The following FSD1L variants were observed in gnomAD, a reference collection of about 807,000 sequenced individuals.
The protein encoded by FSD1L is fibronectin type III and SPRY domain containing 1 like.
Under a neutral mutation model 71.6 loss-of-function variants are expected in FSD1L, and 45 were observed. That is an observed-to-expected ratio of 0.63 (90% CI 0.49 to 0.81). The LOEUF is 0.81. Ranked by LOEUF, FSD1L falls within the 30% of genes least tolerant of loss-of-function variation. The probability of loss-of-function intolerance (pLI) is 0.00; values close to 1 mark genes in which losing one functional copy is unlikely to be tolerated. For missense variants in FSD1L, 561 were observed against 618.1 expected, an observed-to-expected ratio of 0.91 and a Z score of 0.98; for synonymous variants, 197 against 207.2, an observed-to-expected ratio of 0.95 and a Z score of 0.42.
intron 10 of FSD1L, chr9:105,520,239 A>G: frequency 6.2e-7 from 1 of 1,609,234 alleles, no homozygotes; most frequent in Admixed American, 1.7e-5. Flanking sequence ...CATCGAGTTA[A>G]TGGTGGAACT....
intron 10 of FSD1L, chr9:105,521,248 T>G: frequency 6.2e-7 from 1 of 1,614,190 alleles, no homozygotes; most frequent in Non-Finnish European, 8.5e-7. Flanking sequence ...GGTGAAGTCT[T>G]GCCAAAGAAT....
rs1409394114 is a variant in FSD1L at position 105,523,244 on chromosome 9, C to G, written c.1025+10308C>G. ...CTTCCCCAGTCCACTCACCTCTGTG[C>G]TCCAGGTCACAGACTCCTTCCCCTT... is the stretch of plus-strand genomic sequence containing the variant. On this transcript the variant is annotated intron_variant, in intron 10 of 13. Transcript: ENST00000481272. The G allele has an allele frequency of 2.5e-5, 41 of 1,608,030 alleles. 1 individual carries two copies. In the Admixed American group the frequency reaches 6.7e-4, roughly 26 times the overall value.
At chr9:105,521,216 A>G (rs1835131946) in intron 10 of FSD1L, 1 of 1,614,050 alleles carries the variant, frequency 6.2e-7, no homozygotes, top group African/African-American at 1.3e-5. Context: ...CACATACAGG[A>G]CCTCATATTC....
At chr9:105,452,033 GA>G (rs1303175213) in intron 1 of FSD1L, among the ~76,000 whole-genome samples, 3 of 152,216 alleles carry the variant, frequency 2.0e-5, no homozygotes, top group Non-Finnish European at 4.4e-5. Context: ...TTCCTACTTG[GA>G]AAGGGGTAGT....
intron 10 of FSD1L, among the ~76,000 whole-genome samples, chr9:105,517,924 T>G (rs2131400556): frequency 6.6e-6 from 1 of 152,270 alleles, no homozygotes. Flanking sequence ...CCATCTCACA[T>G]GCAAAGACAA....
intron 12 of FSD1L, among the ~76,000 whole-genome samples, chr9:105,536,727 C>G (rs1353121993): frequency 6.6e-6 from 1 of 152,112 alleles, no homozygotes; most frequent in Non-Finnish European, 1.5e-5. Context: ...CCTCTGCCTC[C>G]CATGTTCAAG....
At chr9:105,462,520 ATTT>A (rs773853934) in intron 2 of FSD1L, among the ~76,000 whole-genome samples, 1,593 of 104,250 alleles carry the variant, frequency 0.015, 29 homozygotes, top group African/African-American at 0.056. Context: ...TGTGACTGAC[ATTT>A]TTTTTTTTTT....
intron 3 of FSD1L, among the ~76,000 whole-genome samples, chr9:105,464,734 G>A (rs547296902): frequency 6.6e-5 from 10 of 152,208 alleles, no homozygotes; most frequent in Admixed American, 4.6e-4. Flanking sequence ...ATTTTGGGAG[G>A]CTGATGCAGG....
At chr9:105,481,141 C>CTGTGTGTGTGTGTGTG (rs376069658) in intron 6 of FSD1L, among the ~76,000 whole-genome samples, 1,063 of 81,536 alleles carry the variant, frequency 0.013, 55 homozygotes, top group East Asian at 0.089. Context: ...CAGGCAAACT[C>CTGTGTGTGTGTGTGTG]TGTGTGTGTG....
intron 7 of FSD1L, 41 bp downstream of exon 7, chr9:105,484,543 T>C: frequency 7.4e-7 from 1 of 1,345,788 alleles, no homozygotes; most frequent in Non-Finnish European, 9.7e-7. Flanking sequence ...TATAAAACTT[T>C]TTTTTTTCTA....
chr9:105,538,271 CT>C (rs1836389749), intron 12 of FSD1L, among the ~76,000 whole-genome samples: 1 of 152,162 alleles, frequency 6.6e-6, no homozygotes, highest in Non-Finnish European at 1.5e-5. Context: ...TGTTTACCAA[CT>C]TCGAGATCAA....
At chr9:105,447,569 C>G (rs1564068188), upstream of FSD1L, among the ~76,000 whole-genome samples, 1 of 151,872 alleles carries the variant, frequency 6.6e-6, no homozygotes, top group Non-Finnish European at 1.5e-5. Flanking sequence ...AATCCCACAC[C>G]CACGTTTCCG....
rs1269660528 is a variant in FSD1L, at chr9:105,464,322, AG to A, written c.200del (p.Gly67GlufsTer13). 1 of 1,448,378 alleles carries A rather than the reference AG, an allele frequency of 6.9e-7. No individual in the cohort carries two copies. The highest frequency in any genetic ancestry group is 1.3e-5 in the South Asian group (1 of 75,916). 89.7% of individuals were successfully genotyped at this position (1,448,378 alleles called of 1,614,324 possible). On this transcript the variant is annotated frameshift_variant, in exon 3 of 14. Coordinates refer to ENST00000481272, the MANE Select transcript of FSD1L (RefSeq NM_001145313.3). LOFTEE classifies it high-confidence loss of function. ...TTGATACACTACATCATACACTAAA[AG>A]GAGTTCAGGTATGATTGTTTTATGA... ...FIDTLHHTLKGVQENSSNILS... is the reference protein window; with the variant it reads ...FIDTLHHTLKXVQENSSNILS...
At chr9:105,452,717 T>TC (rs869289492) in intron 1 of FSD1L, among the ~76,000 whole-genome samples, 8 of 149,850 alleles carry the variant, frequency 5.3e-5, no homozygotes, top group African/African-American at 7.4e-5. Context: ...CTTCCTTCCT[T>TC]CTTTCCTTCT....
chr9:105,535,600 T>C (rs1836216825), intron 12 of FSD1L, among the ~76,000 whole-genome samples: 1 of 152,176 alleles, frequency 6.6e-6, no homozygotes, highest in Non-Finnish European at 1.5e-5. Flanking sequence ...CCATTTTAAT[T>C]CCTTCCTTAC....
intron 2 of FSD1L, 51 bp from the exon 3 acceptor site, chr9:105,464,185 T>A: frequency 1.1e-6 from 1 of 942,478 alleles, no homozygotes; most frequent in Non-Finnish European, 1.6e-6. Context: ...TTAATGAGTT[T>A]TGTAACTCTT....
At chr9:105,500,563 G>T (rs1833701105) in intron 7 of FSD1L, 1 of 152,100 alleles carries the variant, frequency 6.6e-6, no homozygotes, top group African/African-American at 2.4e-5. Flanking sequence ...TCTCTTAAGG[G>T]AACAGAAACT....
intron 12 of FSD1L, among the ~76,000 whole-genome samples, chr9:105,538,304 A>AT (rs1271503448): frequency 6.6e-6 from 1 of 152,218 alleles, no homozygotes; most frequent in African/African-American, 2.4e-5. Flanking sequence ...CTTTACATAC[A>AT]TTACCTCAAA....
chr9:105,520,719 C>T, intron 10 of FSD1L: 1 of 1,613,196 alleles, frequency 6.2e-7, no homozygotes, highest in Non-Finnish European at 8.5e-7. Flanking sequence ...ATGCTTAATC[C>T]CTGGATTTTC....
Sources: gnomAD v4.1 joint callset for allele counts (sites outside exome capture counted in the v4.1 genomes callset) on GRCh38, gnomAD v4.1.1 for gene constraint, MANE v1.5 for transcripts, NCBI Gene and HGNC (gene_info 2026-07-23, HGNC 2026-07-21) for gene names.